The following RPS6KA6 variants were observed in gnomAD, a reference collection of about 807,000 sequenced individuals.
RPS6KA6 encodes ribosomal protein S6 kinase A6, also known as ribosomal protein S6 kinase alpha-6.
RPS6KA6 carries 27 observed loss-of-function variants against 65.4 expected under a neutral mutation model. The observed-to-expected ratio is 0.41, with a 90% CI of 0.30 to 0.57. The LOEUF is 0.57. RPS6KA6 is among the 20% of genes least tolerant of loss of function. The pLI is 0.24. For missense variants in RPS6KA6, 486 were observed against 555.6 expected (o/e 0.87, Z 1.26); for synonymous variants, 190 against 184.2 (o/e 1.03, Z -0.26).
chrX:84,124,412 G>A (rs773659885), intron 8 of RPS6KA6, among the ~76,000 whole-genome samples: 12 of 111,721 alleles, frequency 1.1e-4, no homozygotes, highest in Non-Finnish European at 2.1e-4. Flanking sequence ...TAAAGATAAC[G>A]AAGAGAAGGA....
At chrX:84,137,565 T>G (rs192897545) in intron 6 of RPS6KA6, among the ~76,000 whole-genome samples, 1 of 111,795 alleles carries the variant, frequency 8.9e-6, no homozygotes, top group East Asian at 2.8e-4. Context: ...GTTATAGTAA[T>G]TTCCACTCCC....
chrX:84,167,033 AT>A (rs767331489), intron 1 of RPS6KA6, among the ~76,000 whole-genome samples: 5 of 111,513 alleles, frequency 4.5e-5, no homozygotes, highest in Non-Finnish European at 7.5e-5. Context: ...ACAGAATAAA[AT>A]TAAAGAAATC....
chrX:84,074,850 A>C (rs964787637), intron 20 of RPS6KA6, among the ~76,000 whole-genome samples: 5 of 111,979 alleles, frequency 4.5e-5, no homozygotes, highest in Non-Finnish European at 9.4e-5. Context: ...GAACTGACAC[A>C]GATGTCAGAA....
intron 18 of RPS6KA6, among the ~76,000 whole-genome samples, chrX:84,100,356 C>T (rs1302707530): frequency 9.0e-6 from 1 of 110,610 alleles, no homozygotes; most frequent in Non-Finnish European, 1.9e-5. Flanking sequence ...AACCATTAAT[C>T]TAAAACTGTT....
chrX:84,064,318 G>A lies in RPS6KA6; in HGVS notation c.2197C>T (p.Gln733Ter). The change falls in exon 22 of 22, where the codon CAG becomes TAG. Residue 733 changes from glutamine (Q) to a stop codon, truncating the protein, a stop_gained. Transcript: ENST00000262752. LOFTEE classifies it high-confidence loss of function. ...LEPVAASSLA[Q>*]RRSMKKRTST... ...GTTCGCTTTTTCATGCTCCGTCGCT[G>A]GGCTAAGCTTGAAGCAGCTACAGGC... The A allele has an allele frequency of 8.3e-7, 1 of 1,208,750 alleles. No homozygotes were observed. The highest frequency in any genetic ancestry group is 1.1e-6 in the Non-Finnish European group (1 of 894,017).
At chrX:84,159,437 G>A (rs752445299) in intron 2 of RPS6KA6, among the ~76,000 whole-genome samples, 3 of 110,669 alleles carry the variant, frequency 2.7e-5, no homozygotes, top group Non-Finnish European at 5.7e-5. Flanking sequence ...TTTCCTGAGA[G>A]TAAATCATCC....
intron 18 of RPS6KA6, among the ~76,000 whole-genome samples, chrX:84,100,125 C>T (rs921736316): frequency 2.3e-4 from 26 of 111,106 alleles, no homozygotes; most frequent in Middle Eastern, 9.3e-3. Context: ...ATTATTGATT[C>T]CTAGCATGGG....
At chrX:84,103,560 A>G (rs1476926107) in intron 17 of RPS6KA6, among the ~76,000 whole-genome samples, 1 of 110,997 alleles carries the variant, frequency 9.0e-6, no homozygotes, top group Non-Finnish European at 1.9e-5. Flanking sequence ...TGGCCTGTAG[A>G]AATGCTCAAT....
intron 6 of RPS6KA6, among the ~76,000 whole-genome samples, chrX:84,139,392 A>G (rs2035055285): frequency 9.0e-6 from 1 of 111,692 alleles, no homozygotes; most frequent in Non-Finnish European, 1.9e-5. Context: ...TCCTTTAAAG[A>G]CCCTCCTTAG....
At chrX:84,101,736 A>G (rs1404087456) in intron 18 of RPS6KA6, among the ~76,000 whole-genome samples, 2 of 110,513 alleles carry the variant, frequency 1.8e-5, no homozygotes. Context: ...TACATAATAT[A>G]TTGAAGCTGT....
intron 20 of RPS6KA6, among the ~76,000 whole-genome samples, chrX:84,089,807 C>T (rs1602393640): frequency 1.8e-5 from 2 of 111,861 alleles, no homozygotes; most frequent in African/African-American, 6.5e-5. Flanking sequence ...ATACACGAAA[C>T]TGTATATTTC....
intron 20 of RPS6KA6, among the ~76,000 whole-genome samples, chrX:84,089,292 C>A (rs1361806564): frequency 1.8e-5 from 2 of 111,961 alleles, no homozygotes; most frequent in Non-Finnish European, 3.8e-5. Context: ...CACCCCTCCC[C>A]CTGGAACTTG....
intron 20 of RPS6KA6, among the ~76,000 whole-genome samples, chrX:84,075,488 C>T (rs1365476999): frequency 9.1e-6 from 1 of 110,304 alleles, no homozygotes. Context: ...AATAATGGCC[C>T]CCAAATGTCC....
chrX:84,098,303 T>C (rs1265425989), intron 18 of RPS6KA6, among the ~76,000 whole-genome samples: 1 of 111,275 alleles, frequency 9.0e-6, no homozygotes, highest in Non-Finnish European at 1.9e-5. Context: ...CAAGATAATA[T>C]ATAATCTCAC....
At chrX:84,070,908 C>A (rs1273348666) in intron 20 of RPS6KA6, among the ~76,000 whole-genome samples, 5 of 109,080 alleles carry the variant, frequency 4.6e-5, no homozygotes, top group Non-Finnish European at 9.6e-5. Context: ...CTGCCCGAAA[C>A]AACCAATTAA....
At chrX:84,132,914 GAAAAA>G (rs66529748) in intron 8 of RPS6KA6, among the ~76,000 whole-genome samples, 1 of 98,637 alleles carries the variant, frequency 1.0e-5, no homozygotes. Flanking sequence ...GTGGACTAGT[GAAAAA>G]AAAAAAAGTA....
At chrX:84,162,726 G>T (rs184424605) in intron 2 of RPS6KA6, among the ~76,000 whole-genome samples, 35 of 111,842 alleles carry the variant, frequency 3.1e-4, no homozygotes, top group Admixed American at 1.1e-3. Flanking sequence ...AATATAATAA[G>T]CAGCCTTCTC....
chrX:84,147,059 C>T lies in RPS6KA6; in HGVS notation c.341-1G>A. 9.1e-7 allele frequency: 1 copy of T among 1,101,301 alleles called. No individual in the cohort carries two copies. Among genetic ancestry groups the T allele is most frequent in the Non-Finnish European group, 1.2e-6 (1 of 802,956 alleles). The allele number at this position is 1,101,301 out of a possible 1,213,427, so 90.8% of individuals were successfully genotyped here. A position where few individuals can be genotyped will look rare whatever the true frequency, so the allele number is the denominator to read the frequency against. Reference sequence around the variant, plus strand: ...ATCTTTGTCCGAACTCTGTCTCGAACTAAAAATTACATAAAGGTACAATAT... The same window carrying T: ...ATCTTTGTCCGAACTCTGTCTCGAATTAAAAATTACATAAAGGTACAATAT... On this transcript the variant is annotated splice_acceptor_variant, in intron 4 of 21. Transcript: ENST00000262752. LOFTEE classifies it high-confidence loss of function.
chrX:84,175,016 C>T (rs2147634617), intron 1 of RPS6KA6, among the ~76,000 whole-genome samples: 1 of 112,128 alleles, frequency 8.9e-6, no homozygotes, highest in South Asian at 3.7e-4. Flanking sequence ...AACTTTCAAA[C>T]ATAATTTCAT....
Sources: allele counts gnomAD v4.1 joint callset (sites outside exome capture counted in the v4.1 genomes callset), GRCh38; gene constraint gnomAD v4.1.1; transcripts MANE v1.5; gene names NCBI Gene and HGNC (gene_info 2026-07-23, HGNC 2026-07-21).